The following TMEM117 variants were observed in gnomAD, a reference collection of about 807,000 sequenced individuals.
TMEM117 encodes transmembrane protein 117.
In TMEM117, 27 loss-of-function variants were observed where a neutral mutation model predicts 52.4. The ratio of observed to expected loss-of-function variants is 0.51; its 90% CI spans 0.38 to 0.71. TMEM117 has a LOEUF of 0.71. Ranked by LOEUF, TMEM117 falls within the 30% of genes least tolerant of loss-of-function variation. The pLI is 0.00. For synonymous variants in TMEM117, 215 were observed against 206.3 expected (o/e 1.04, Z -0.36); for missense variants, 556 against 630.5 (o/e 0.88, Z 1.26).
At chr12:44,084,567 A>G (rs1327923503) in intron 3 of TMEM117, among the ~76,000 whole-genome samples, 1 of 152,174 alleles carries the variant, frequency 6.6e-6, no homozygotes, top group Non-Finnish European at 1.5e-5. Flanking sequence ...TGTGTCTTTC[A>G]TTCTTTCCCT....
At chr12:44,173,788 A>G (rs1949082288) in intron 4 of TMEM117, among the ~76,000 whole-genome samples, 1 of 152,046 alleles carries the variant, frequency 6.6e-6, no homozygotes, top group Non-Finnish European at 1.5e-5. Flanking sequence ...CATAAATTTT[A>G]ATAATAGAAG....
chr12:44,326,614 G>A (rs1397448873), intron 6 of TMEM117, among the ~76,000 whole-genome samples: 1 of 152,216 alleles, frequency 6.6e-6, no homozygotes. Flanking sequence ...GCAATGTGCT[G>A]AAATTCAGGG....
At chr12:43,811,904 A>C in the TMEM117 span, among the ~76,000 whole-genome samples, 1 of 152,230 alleles carries the variant, frequency 6.6e-6, no homozygotes, top group Non-Finnish European at 1.5e-5. Flanking sequence ...TCAGATTTAG[A>C]AATACTGTAT....
At chr12:44,330,524 A>C (rs1212759003) in intron 6 of TMEM117, among the ~76,000 whole-genome samples, 1 of 152,024 alleles carries the variant, frequency 6.6e-6, no homozygotes, top group Non-Finnish European at 1.5e-5. Flanking sequence ...ATCAATATAA[A>C]ATTATTGATG....
At chr12:44,311,515 C>T (rs1387551045) in intron 6 of TMEM117, among the ~76,000 whole-genome samples, 1 of 149,778 alleles carries the variant, frequency 6.7e-6, no homozygotes, top group Non-Finnish European at 1.5e-5. Flanking sequence ...AGCTCAGGAA[C>T]CTAGGTGAGT....
chr12:43,907,524 G>A (rs7954130), intron 2 of TMEM117, among the ~76,000 whole-genome samples: 106,079 of 148,728 alleles, frequency 0.71, 40,848 homozygotes, highest in East Asian at 0.86. Flanking sequence ...GAGAGAAGAA[G>A]GCTTCAGACG....
chr12:44,007,239 A>T (rs559310252), intron 3 of TMEM117, among the ~76,000 whole-genome samples: 1 of 152,342 alleles, frequency 6.6e-6, no homozygotes, highest in African/African-American at 2.4e-5. Context: ...TGTCAGATTA[A>T]GAATAAGAAA....
At chr12:43,806,363 G>A in the TMEM117 span, 1 of 1,241,962 alleles carries the variant, frequency 8.1e-7, no homozygotes, top group Non-Finnish European at 1.0e-6. Flanking sequence ...CGCGACCCGC[G>A]GCCGCCCCGC....
At chr12:43,855,269 T>C (rs1025725872) in intron 2 of TMEM117, among the ~76,000 whole-genome samples, 2 of 146,146 alleles carry the variant, frequency 1.4e-5, no homozygotes, top group Non-Finnish European at 3.0e-5. Flanking sequence ...TCTTTTTTTC[T>C]TTTTTTTTTT....
intron 1 of TMEM117, among the ~76,000 whole-genome samples, chr12:43,843,134 A>G (rs1943142690): frequency 1.3e-5 from 2 of 152,232 alleles, no homozygotes; most frequent in African/African-American, 2.4e-5. Flanking sequence ...AGAGCCTGGC[A>G]TGCAAACTGC....
At chr12:44,025,666 C>G (rs750758517) in intron 3 of TMEM117, among the ~76,000 whole-genome samples, 3 of 152,122 alleles carry the variant, frequency 2.0e-5, no homozygotes, top group Non-Finnish European at 4.4e-5. Context: ...TGCTGGCAGC[C>G]TGTTGGAACA....
intron 3 of TMEM117, among the ~76,000 whole-genome samples, chr12:43,995,791 C>G (rs910622849): frequency 6.6e-6 from 1 of 152,070 alleles, no homozygotes; most frequent in Non-Finnish European, 1.5e-5. Context: ...CCCACATTAC[C>G]AAAACAATAA....
At chr12:44,252,369 C>G (rs1950206380) in intron 5 of TMEM117, among the ~76,000 whole-genome samples, 1 of 151,952 alleles carries the variant, frequency 6.6e-6, no homozygotes, top group African/African-American at 2.4e-5. Context: ...CCAGGTGTGG[C>G]AGCACACACT....
At chr12:44,255,681 A>G (rs559548663) in intron 5 of TMEM117, among the ~76,000 whole-genome samples, 78 of 152,228 alleles carry the variant, frequency 5.1e-4, no homozygotes, top group African/African-American at 1.6e-3. Flanking sequence ...ACACAGACAC[A>G]TGCATACACA....
intron 2 of TMEM117, among the ~76,000 whole-genome samples, chr12:43,927,988 T>G (rs1421448865): frequency 2.6e-5 from 4 of 151,970 alleles, no homozygotes; most frequent in Non-Finnish European, 5.9e-5. Context: ...TCCCTTTTTT[T>G]TTGCACAGAG....
chr12:44,232,567 G>T (rs1193737263), intron 5 of TMEM117, among the ~76,000 whole-genome samples: 3 of 151,220 alleles, frequency 2.0e-5, no homozygotes, highest in Admixed American at 2.0e-4. Flanking sequence ...TAATTCTTTG[G>T]TTCTTTATTT....
chr12:44,278,558 A>G (rs1396262514), intron 5 of TMEM117, among the ~76,000 whole-genome samples: 1 of 152,162 alleles, frequency 6.6e-6, no homozygotes. Flanking sequence ...GCTGTTCCTC[A>G]ATGTGAGCTC....
intron 4 of TMEM117, among the ~76,000 whole-genome samples, chr12:44,174,776 A>G (rs997127773): frequency 6.6e-6 from 1 of 152,192 alleles, no homozygotes; most frequent in East Asian, 1.9e-4. Context: ...AACATTTCGT[A>G]CAGAGTTTAT....
intron 6 of TMEM117, among the ~76,000 whole-genome samples, chr12:44,365,787 G>C (rs1286782054): frequency 6.6e-6 from 1 of 151,854 alleles, no homozygotes; most frequent in East Asian, 1.9e-4. Flanking sequence ...TTAAGTTCTA[G>C]GGTACATGTG....
Sources: gnomAD v4.1 joint callset for allele counts (sites outside exome capture counted in the v4.1 genomes callset) on GRCh38, gnomAD v4.1.1 for gene constraint, MANE v1.5 for transcripts, NCBI Gene and HGNC (gene_info 2026-07-23, HGNC 2026-07-21) for gene names.